The following MRTFA variants were observed in gnomAD, a reference collection of about 807,000 sequenced individuals.
The protein encoded by MRTFA is myocardin related transcription factor A.
Under a neutral mutation model 83.5 loss-of-function variants are expected in MRTFA, and 20 were observed. The observed-to-expected ratio is 0.24, with a 90% CI of 0.17 to 0.35. The LOEUF is 0.35. MRTFA is among the 10% of genes least tolerant of loss of function. The probability of loss-of-function intolerance (pLI) is 1.00; values close to 1 mark genes in which losing one functional copy is unlikely to be tolerated. For synonymous variants in MRTFA, 659 were observed against 541.2 expected (o/e 1.22, Z -3.02); for missense variants, 1,200 against 1,224.7 (o/e 0.98, Z 0.30).
intron 1 of MRTFA, among the ~76,000 whole-genome samples, chr22:40,602,365 G>A (rs969382392): frequency 6.6e-6 from 1 of 152,156 alleles, no homozygotes; most frequent in African/African-American, 2.4e-5. Context: ...ATAGCAGGAA[G>A]AATAAAACAG....
intron 2 of MRTFA, among the ~76,000 whole-genome samples, chr22:40,571,781 G>A (rs1256535774): frequency 8.6e-5 from 13 of 150,936 alleles, no homozygotes; most frequent in East Asian, 3.9e-4. Context: ...AAAAGCAGCC[G>A]GGCATGGTGG....
At chr22:40,558,758 G>C (rs1023302798) in intron 2 of MRTFA, among the ~76,000 whole-genome samples, 1 of 149,822 alleles carries the variant, frequency 6.7e-6, no homozygotes, top group Non-Finnish European at 1.5e-5. Flanking sequence ...TAAAGTTCTT[G>C]GTTTTTTGGT....
At chr22:40,488,319 A>G (rs1483622018) in intron 3 of MRTFA, among the ~76,000 whole-genome samples, 1 of 152,202 alleles carries the variant, frequency 6.6e-6, no homozygotes, top group African/African-American at 2.4e-5. Context: ...GAGTAACAGA[A>G]GGAAGGCTGA....
At chr22:40,585,413 G>A (rs1284664048) in intron 2 of MRTFA, among the ~76,000 whole-genome samples, 1 of 152,132 alleles carries the variant, frequency 6.6e-6, no homozygotes, top group Non-Finnish European at 1.5e-5. Context: ...GAAGGAGGAG[G>A]AGGGAATAGG....
intron 1 of MRTFA, among the ~76,000 whole-genome samples, chr22:40,595,116 C>CCT (rs1556019191): frequency 6.7e-5 from 8 of 119,302 alleles, no homozygotes; most frequent in African/African-American, 2.5e-4. Flanking sequence ...TGATAAATGC[C>CCT]TTTTTTTTTT....
intron 4 of MRTFA, among the ~76,000 whole-genome samples, chr22:40,450,151 A>G (rs1396021910): frequency 6.6e-6 from 1 of 152,192 alleles, no homozygotes; most frequent in Non-Finnish European, 1.5e-5. Flanking sequence ...AGCACACTGT[A>G]CCCACTTTAG....
intron 3 of MRTFA, among the ~76,000 whole-genome samples, chr22:40,550,838 ATTTTTTC>A (rs67129082): frequency 0.28 from 39,665 of 140,874 alleles, 5,447 homozygotes; most frequent in East Asian, 0.58. Flanking sequence ...TTCTTTATCC[ATTTTTTC>A]TTTTTTCTTT....
chr22:40,478,324 G>T (rs1332797433), intron 3 of MRTFA, among the ~76,000 whole-genome samples: 2 of 152,114 alleles, frequency 1.3e-5, no homozygotes, highest in African/African-American at 4.8e-5. Context: ...TAACAGTAAT[G>T]TACTAATGTT....
chr22:40,620,046 C>T (rs1250101478), intron 1 of MRTFA, among the ~76,000 whole-genome samples: 4 of 151,732 alleles, frequency 2.6e-5, no homozygotes, highest in Admixed American at 2.6e-4. Flanking sequence ...CAGCCTCCGT[C>T]TCCCAGGTTC....
At position 40,633,132 on chromosome 22, in the gene MRTFA, T is replaced by C. The variant is rs79349116; in HGVS notation, c.-84+3346A>G. 5.1e-3 allele frequency among the ~76,000 whole-genome samples: 777 copies of C among 152,332 alleles called. 3 individuals carry two copies. Among genetic ancestry groups the C allele is most frequent in the Non-Finnish European group, 9.5e-3 (645 of 68,028 alleles). ...TTTTCTCTTTCAAAAACCTGAAATA[T>C]AACCTCCTGACCAAAGCTTTTTCTC... On this transcript the variant is annotated intron_variant, in intron 1 of 14. Coordinates refer to ENST00000355630, the MANE Select transcript of MRTFA (RefSeq NM_020831.6).
chr22:40,426,892 A>T (rs544284038), intron 7 of MRTFA, among the ~76,000 whole-genome samples: 2 of 152,182 alleles, frequency 1.3e-5, no homozygotes, highest in South Asian at 4.1e-4. Flanking sequence ...AGGACCATCC[A>T]TCATCGTGTG....
intron 3 of MRTFA, among the ~76,000 whole-genome samples, chr22:40,517,910 C>A (rs1383590989): frequency 6.6e-6 from 1 of 152,100 alleles, no homozygotes; most frequent in Non-Finnish European, 1.5e-5. Flanking sequence ...TTGACCTACT[C>A]ATCAATGGCC....
chr22:40,423,664 C>G lies in MRTFA; in HGVS notation c.799G>C (p.Gly267Arg). The G allele has an allele frequency of 6.4e-7, 1 of 1,572,790 alleles. No homozygotes were observed. The highest frequency in any genetic ancestry group is 8.6e-7 in the Non-Finnish European group (1 of 1,158,418). The change falls in exon 9 of 15, where the codon GGC becomes CGC. Residue 267 changes from glycine to arginine, a missense_variant. This residue lies in a region of MRTFA where 1,107 missense variants were observed against 1,041.8 expected (regional missense o/e 1.06). Transcript: ENST00000355630. ...AAAAGCATTTCTCTGGAATCCCGGC[C>G]CATCGGAAGTTGAGACACAACCTGA...
intron 3 of MRTFA, among the ~76,000 whole-genome samples, chr22:40,470,536 T>C (rs2053891799): frequency 6.6e-6 from 1 of 151,628 alleles, no homozygotes; most frequent in Non-Finnish European, 1.5e-5. Context: ...AGCCTTTACC[T>C]TAAGAAACTA....
intron 3 of MRTFA, among the ~76,000 whole-genome samples, chr22:40,514,650 G>GT (rs76594393): frequency 1.0e-4 from 15 of 149,666 alleles, no homozygotes; most frequent in South Asian, 4.2e-4. Flanking sequence ...ATTTTTGTAT[G>GT]TTTTTTTTTA....
intron 2 of MRTFA, among the ~76,000 whole-genome samples, chr22:40,583,380 A>G (rs1029757675): frequency 6.6e-6 from 1 of 152,220 alleles, no homozygotes. Flanking sequence ...AAGTGCCTCA[A>G]GACCAAAGAA....
intron 3 of MRTFA, among the ~76,000 whole-genome samples, chr22:40,530,014 C>T (rs1218374806): frequency 6.6e-6 from 1 of 152,160 alleles, no homozygotes; most frequent in Non-Finnish European, 1.5e-5. Context: ...CTAACTATGC[C>T]TCATTAAGAT....
chr22:40,418,743 G>GGCGGGT lies in MRTFA; in HGVS notation c.1994_1995insACCCGC (p.Ala669_Pro670dup), dbSNP rs779177848. The GGCGGGT allele has an allele frequency of 8.2e-3, 7,171 of 873,650 alleles. 41 individuals carry two copies. The highest frequency in any genetic ancestry group is 8.5e-3 in the Non-Finnish European group (5,304 of 624,278). The allele number at this position is 873,650 out of a possible 1,614,324, so 54.1% of individuals were successfully genotyped here. On this transcript the variant is annotated inframe_insertion, in exon 12 of 15. Transcript: ENST00000355630. ...GGGTGCCGAGGGGGGCGGGGGCGGG[G>GGCGGGT]GCGGGCTGCTGGGCTCGCTTCTCCT... is the stretch of plus-strand genomic sequence containing the variant.
At position 40,410,369 on chromosome 22, in the gene MRTFA, T is replaced by C. The variant is rs1569240785; in HGVS notation, c.*1021A>G. 1.2e-5 allele frequency: 3 copies of C among 248,904 alleles called. No homozygotes were observed. In the East Asian group the frequency reaches 1.8e-4, roughly 15 times the overall value. 15.4% of individuals were successfully genotyped at this position (248,904 alleles called of 1,614,324 possible). On this transcript the variant is annotated 3_prime_UTR_variant, in exon 15 of 15. Transcript: ENST00000355630. The stretch of plus-strand genomic sequence containing the variant: ...GCACTGGTTTTGGTGACTCCACCCC[T>C]ACTCCCCTATGAGTCAGCCCAGAAT...
Sources: gnomAD v4.1 joint callset for allele counts (sites outside exome capture counted in the v4.1 genomes callset) on GRCh38, gnomAD v4.1.1 for gene constraint, gnomAD v4.1.1 regional missense constraint, MANE v1.5 for transcripts, NCBI Gene and HGNC (gene_info 2026-07-23, HGNC 2026-07-21) for gene names.